Variants in PKN2 observed in about 807,000 individuals in gnomAD.
PKN2 encodes the protein serine/threonine-protein kinase N2.
Under a neutral mutation model 119.1 loss-of-function variants are expected in PKN2, and 38 were observed. The ratio of observed to expected loss-of-function variants is 0.32; its 90% CI spans 0.25 to 0.42. The LOEUF (loss-of-function observed/expected upper bound fraction) is 0.42, where lower values mean the gene tolerates loss of function less well. Among genes scored for constraint, PKN2 ranks in the 10% least tolerant of loss-of-function variants. The pLI is 1.00. For synonymous variants in PKN2, 390 were observed against 384.9 expected (o/e 1.01, Z -0.15); for missense variants, 850 against 1,165.1 (o/e 0.73, Z 3.94).
At chr1:88,786,254 CATTTTA>C in intron 8 of PKN2, 41 bp downstream of exon 8, 1 of 1,003,908 alleles carries the variant, frequency 1.0e-6, no homozygotes, top group Non-Finnish European at 1.5e-6. Flanking sequence ...AATTATAATT[CATTTTA>C]AATGTGAGTT....
intron 1 of PKN2, among the ~76,000 whole-genome samples, chr1:88,725,507 G>A (rs1667860780): frequency 6.6e-6 from 1 of 152,146 alleles, no homozygotes; most frequent in African/African-American, 2.4e-5. Flanking sequence ...AGCTAATGAT[G>A]TTGGCAATCT....
intron 16 of PKN2, among the ~76,000 whole-genome samples, chr1:88,819,928 G>A (rs1158411893): frequency 6.6e-6 from 1 of 151,472 alleles, no homozygotes; most frequent in Admixed American, 6.6e-5. Flanking sequence ...AACACTGAAT[G>A]TTCTCATAAG....
intron 1 of PKN2, among the ~76,000 whole-genome samples, chr1:88,704,178 T>A (rs1440345152): frequency 1.3e-5 from 2 of 152,210 alleles, no homozygotes; most frequent in African/African-American, 2.4e-5. Context: ...GTCCCTACTT[T>A]CTGTCACTAT....
At chr1:88,759,052 AT>A (rs1669335001) in intron 2 of PKN2, among the ~76,000 whole-genome samples, 1 of 152,124 alleles carries the variant, frequency 6.6e-6, no homozygotes, top group Non-Finnish European at 1.5e-5. Context: ...AGCCTCTGTT[AT>A]TTTTTGACTT....
At chr1:88,757,086 A>G (rs943029102) in intron 2 of PKN2, among the ~76,000 whole-genome samples, 15 of 152,044 alleles carry the variant, frequency 9.9e-5, no homozygotes, top group Non-Finnish European at 2.2e-4. Flanking sequence ...CCTACATTTT[A>G]TATCAGTTTT....
In PKN2 at chr1:88,771,752, T is replaced by A; in HGVS notation, c.858T>A (p.His286Gln). The A allele has an allele frequency of 6.2e-7, 1 of 1,613,842 alleles. No homozygotes were observed. The highest frequency in any genetic ancestry group is 8.5e-7 in the Non-Finnish European group (1 of 1,179,852). Reference sequence around the variant, plus strand: ...GATTAAACGAAGTCCCCAAGAATCATCCCAAAAGCAGGATTATTATTGAAG... The same window carrying A: ...GATTAAACGAAGTCCCCAAGAATCAACCCAAAAGCAGGATTATTATTGAAG... The part of the protein sequence containing the change: ...EQRLNEVPKN[H>Q]PKSRIIIEEL... Residue 286 changes from histidine to glutamine, a missense_variant, in exon 6 of 22, where the codon CAT (histidine) becomes CAA (glutamine). Coordinates refer to ENST00000370521, the MANE Select transcript of PKN2 (RefSeq NM_006256.4).
intron 1 of PKN2, among the ~76,000 whole-genome samples, chr1:88,716,692 G>A (rs1667472274): frequency 6.6e-6 from 1 of 151,980 alleles, no homozygotes; most frequent in South Asian, 2.1e-4. Context: ...GTGTGTCTCT[G>A]TACATGAGAT....
At chr1:88,789,370 A>T (rs11804772) in intron 8 of PKN2, among the ~76,000 whole-genome samples, 10,163 of 152,172 alleles carry the variant, frequency 0.067, 693 homozygotes, top group African/African-American at 0.18. Flanking sequence ...TCACAAGATT[A>T]TAAGAAGTTA....
intron 6 of PKN2, among the ~76,000 whole-genome samples, chr1:88,779,642 C>A (rs1387592435): frequency 6.6e-6 from 1 of 152,024 alleles, no homozygotes; most frequent in African/African-American, 2.4e-5. Flanking sequence ...CTTTAATTTT[C>A]TTATAAATAT....
intron 2 of PKN2, among the ~76,000 whole-genome samples, chr1:88,753,279 C>T (rs1429810233): frequency 6.6e-6 from 1 of 152,066 alleles, no homozygotes; most frequent in Non-Finnish European, 1.5e-5. Flanking sequence ...AAATCTAAGC[C>T]ACTTTATCTG....
chr1:88,822,303 G>T (rs1287036518), intron 17 of PKN2, among the ~76,000 whole-genome samples: 1 of 152,098 alleles, frequency 6.6e-6, no homozygotes, highest in Non-Finnish European at 1.5e-5. Context: ...ACGACTCATT[G>T]CAGAAAACCT....
intron 1 of PKN2, among the ~76,000 whole-genome samples, chr1:88,716,279 G>A (rs902003884): frequency 6.6e-6 from 1 of 152,154 alleles, no homozygotes; most frequent in Non-Finnish European, 1.5e-5. Context: ...GTTGATTTGG[G>A]GTGGAGAGTT....
At chr1:88,750,429 A>G (rs758119911) in intron 2 of PKN2, among the ~76,000 whole-genome samples, 3 of 152,204 alleles carry the variant, frequency 2.0e-5, no homozygotes, top group Non-Finnish European at 4.4e-5. Context: ...AAAGCACCAG[A>G]AACAGCAATC....
chr1:88,749,608 C>T (rs538970893), intron 2 of PKN2, among the ~76,000 whole-genome samples: 2 of 152,136 alleles, frequency 1.3e-5, no homozygotes, highest in Admixed American at 6.5e-5. Context: ...TTCATTACAA[C>T]CTGAGTAGGT....
At chr1:88,751,667 T>C (rs1237862702) in intron 2 of PKN2, among the ~76,000 whole-genome samples, 1 of 152,202 alleles carries the variant, frequency 6.6e-6, no homozygotes, top group East Asian at 1.9e-4. Context: ...AAATTAGATC[T>C]AAACATTCTA....
chr1:88,744,766 T>G (rs1374335263), intron 2 of PKN2, among the ~76,000 whole-genome samples: 1 of 152,238 alleles, frequency 6.6e-6, no homozygotes, highest in Non-Finnish European at 1.5e-5. Context: ...TCTCTGAATC[T>G]TCAGTTTCTT....
chr1:88,806,646 A>G (rs897423069), intron 12 of PKN2, among the ~76,000 whole-genome samples: 1 of 152,198 alleles, frequency 6.6e-6, no homozygotes, highest in Non-Finnish European at 1.5e-5. Flanking sequence ...ATACTACATG[A>G]CATACTGCCT....
chr1:88,708,639 T>A (rs939017151), intron 1 of PKN2, among the ~76,000 whole-genome samples: 2 of 144,794 alleles, frequency 1.4e-5, no homozygotes, highest in African/African-American at 2.6e-5. Flanking sequence ...TTTTTTTTTT[T>A]AAAGTAGAGA....
intron 15 of PKN2, among the ~76,000 whole-genome samples, chr1:88,808,275 A>G (rs1046995545): frequency 6.6e-6 from 1 of 151,904 alleles, no homozygotes; most frequent in Non-Finnish European, 1.5e-5. Flanking sequence ...AAGTTGTGGT[A>G]TCTTATACAA....
Sources: allele counts gnomAD v4.1 joint callset (sites outside exome capture counted in the v4.1 genomes callset), GRCh38; gene constraint gnomAD v4.1.1; transcripts MANE v1.5; gene names NCBI Gene and HGNC (gene_info 2026-07-23, HGNC 2026-07-21).